Variants in DPP6 observed in about 807,000 individuals in gnomAD.
The protein encoded by DPP6 is dipeptidyl peptidase like 6.
In DPP6, 69 loss-of-function variants were observed where a neutral mutation model predicts 122.6. The ratio of observed to expected loss-of-function variants is 0.56; its 90% CI spans 0.46 to 0.69. The LOEUF (loss-of-function observed/expected upper bound fraction) is 0.69. Ranked by LOEUF, DPP6 falls within the 30% of genes least tolerant of loss-of-function variation. The pLI is 0.00. For missense variants in DPP6, 928 were observed against 1,116.9 expected (o/e 0.83, Z 2.41); for synonymous variants, 418 against 433.1 (o/e 0.97, Z 0.43).
intron 1 of DPP6, among the ~76,000 whole-genome samples, chr7:153,949,067 G>A (rs1017325181): frequency 2.6e-5 from 4 of 152,272 alleles, no homozygotes; most frequent in Admixed American, 6.5e-5. Flanking sequence ...TCATTCATTC[G>A]TTTATGACAC....
At chr7:154,452,719 G>T (rs918145791) in intron 2 of DPP6, among the ~76,000 whole-genome samples, 6 of 152,156 alleles carry the variant, frequency 3.9e-5, no homozygotes, top group African/African-American at 1.2e-4. Context: ...AATCTCATGC[G>T]CATGGTGGAG....
At chr7:154,130,714 C>T (rs909859316) in intron 1 of DPP6, among the ~76,000 whole-genome samples, 1 of 151,994 alleles carries the variant, frequency 6.6e-6, no homozygotes, top group Admixed American at 6.6e-5. Context: ...GAGGACAAAG[C>T]CTTCCAGCCT....
At chr7:154,008,850 A>G (rs1798034956) in intron 1 of DPP6, among the ~76,000 whole-genome samples, 1 of 151,196 alleles carries the variant, frequency 6.6e-6, no homozygotes, top group Non-Finnish European at 1.5e-5. Context: ...TATTTTTAGT[A>G]GAGACGGGGT....
chr7:154,622,797 G>T (rs1586753170), intron 5 of DPP6, among the ~76,000 whole-genome samples: 1 of 152,196 alleles, frequency 6.6e-6, no homozygotes, highest in African/African-American at 2.4e-5. Context: ...GTCCCAGCCA[G>T]GGCAGCCTGC....
chr7:153,813,974 C>T, the DPP6 span, among the ~76,000 whole-genome samples: 1 of 152,012 alleles, frequency 6.6e-6, no homozygotes, highest in Non-Finnish European at 1.5e-5. Flanking sequence ...CTGTAGGTTG[C>T]CTGTTCACTC....
chr7:154,549,739 C>A (rs939410145), intron 4 of DPP6, among the ~76,000 whole-genome samples: 1 of 152,100 alleles, frequency 6.6e-6, no homozygotes, highest in South Asian at 2.1e-4. Flanking sequence ...GAGAACAAAC[C>A]TTATCATCGC....
At chr7:154,660,406 G>A (rs1837566487) in intron 6 of DPP6, among the ~76,000 whole-genome samples, 1 of 150,024 alleles carries the variant, frequency 6.7e-6, no homozygotes, top group Non-Finnish European at 1.5e-5. Flanking sequence ...ATTGGCCGTA[G>A]TGTTCATATA....
intron 1 of DPP6, among the ~76,000 whole-genome samples, chr7:154,168,371 C>G (rs1163710284): frequency 6.6e-6 from 1 of 152,154 alleles, no homozygotes; most frequent in African/African-American, 2.4e-5. Flanking sequence ...ATTGATCACC[C>G]TGCTAGGGCC....
At chr7:154,518,752 G>A (rs982969056) in intron 3 of DPP6, among the ~76,000 whole-genome samples, 1 of 152,212 alleles carries the variant, frequency 6.6e-6, no homozygotes, top group African/African-American at 2.4e-5. Flanking sequence ...TAGTAGTCCT[G>A]ACGCTTCATA....
At chr7:154,809,747 G>T (rs949067866) in intron 16 of DPP6, among the ~76,000 whole-genome samples, 1 of 152,098 alleles carries the variant, frequency 6.6e-6, no homozygotes. Flanking sequence ...GAAGAGGAGA[G>T]GAGAAAGAAA....
intron 25 of DPP6, chr7:154,889,744 T>A: frequency 2.7e-6 from 2 of 736,958 alleles, no homozygotes; most frequent in Non-Finnish European, 4.2e-6. Context: ...CAGCCCGGTT[T>A]AAATCCCTTT....
chr7:154,188,451 G>A (rs1798457646), intron 1 of DPP6, among the ~76,000 whole-genome samples: 1 of 152,034 alleles, frequency 6.6e-6, no homozygotes. Flanking sequence ...AGGGGTGAGG[G>A]ACAAATTACA....
intron 1 of DPP6, among the ~76,000 whole-genome samples, chr7:154,008,310 C>T (rs1797999212): frequency 6.6e-6 from 1 of 152,286 alleles, no homozygotes; most frequent in East Asian, 1.9e-4. Context: ...TACCCATTGA[C>T]CTTGGAGGCA....
intron 1 of DPP6, among the ~76,000 whole-genome samples, chr7:154,227,827 G>T (rs1054503618): frequency 6.6e-6 from 1 of 152,158 alleles, no homozygotes; most frequent in Non-Finnish European, 1.5e-5. Flanking sequence ...CCTGCTATTT[G>T]AATGGATCAT....
intron 16 of DPP6, among the ~76,000 whole-genome samples, chr7:154,845,841 G>A (rs376441699): frequency 4.6e-5 from 7 of 152,230 alleles, no homozygotes; most frequent in South Asian, 2.1e-4. Context: ...AGTGTAGACC[G>A]TATTATTGTT....
chr7:153,967,597 T>C (rs1795819386), intron 1 of DPP6, among the ~76,000 whole-genome samples: 1 of 152,178 alleles, frequency 6.6e-6, no homozygotes, highest in African/African-American at 2.4e-5. Context: ...AACACAGGGC[T>C]GTTCAGCTGT....
intron 8 of DPP6, among the ~76,000 whole-genome samples, chr7:154,745,831 C>T (rs1057135239): frequency 2.6e-5 from 4 of 152,144 alleles, no homozygotes; most frequent in African/African-American, 4.8e-5. Flanking sequence ...GGCCATTAAC[C>T]TTTTCATGAA....
chr7:154,305,823 G>A (rs1457796090), intron 1 of DPP6, among the ~76,000 whole-genome samples: 10 of 152,012 alleles, frequency 6.6e-5, no homozygotes, highest in Non-Finnish European at 1.3e-4. Context: ...ACAGGCACAG[G>A]GAACCTCTGT....
intron 3 of DPP6, among the ~76,000 whole-genome samples, chr7:154,519,526 G>T (rs1467606213): frequency 6.6e-6 from 1 of 152,228 alleles, no homozygotes; most frequent in Non-Finnish European, 1.5e-5. Flanking sequence ...TGGGCAAGTC[G>T]GAAGGAGTAG....
Sources: allele counts gnomAD v4.1 joint callset (sites outside exome capture counted in the v4.1 genomes callset), GRCh38; gene constraint gnomAD v4.1.1; transcripts MANE v1.5; gene names NCBI Gene and HGNC (gene_info 2026-07-23, HGNC 2026-07-21).